DISP1: variants seen among roughly 807,000 people sequenced by gnomAD.
DISP1 encodes the protein protein dispatched homolog 1.
Under a neutral mutation model 37.3 loss-of-function variants are expected in DISP1, and 30 were observed. That is an observed-to-expected ratio of 0.80 (90% CI 0.60 to 1.09). The LOEUF is 1.09. Among genes scored for constraint, DISP1 ranks in the 50% least tolerant of loss-of-function variants. The pLI, the probability that DISP1 is intolerant of heterozygous loss-of-function variation, is 0.00. For missense variants in DISP1, 1,598 were observed against 1,879.5 expected, an observed-to-expected ratio of 0.85 and a Z score of 2.77; for synonymous variants, 634 against 690.2, an observed-to-expected ratio of 0.92 and a Z score of 1.28.
At position 222,871,956 on chromosome 1, in the gene DISP1, C is replaced by T. The variant is rs1301574108; in HGVS notation, c.-158-56474C>T. 5.3e-5 allele frequency among the ~76,000 whole-genome samples: 8 copies of T among 151,990 alleles called. No individual in the cohort carries two copies. In the South Asian group the frequency reaches 6.2e-4, roughly 12 times the overall value. ...AGATAGCTCTTATTATTTTGAGATACGTCCCATCAATACCTAATTTATTGA... is the reference window on the plus strand; with the variant it reads ...AGATAGCTCTTATTATTTTGAGATATGTCCCATCAATACCTAATTTATTGA... On this transcript the variant is annotated intron_variant, in intron 1 of 8. Transcript: ENST00000675850.
At position 222,882,385 on chromosome 1, in the gene DISP1, A is replaced by G. The variant is rs73128634; in HGVS notation, c.-158-46045A>G. Reference sequence around the variant, plus strand: ...GGTTATTCCAGTCATCTGCACTACAAAGGAGTGGTTTCTCATTCTATTTTA... The same window carrying G: ...GGTTATTCCAGTCATCTGCACTACAGAGGAGTGGTTTCTCATTCTATTTTA... On this transcript the variant is annotated intron_variant, in intron 1 of 8. Transcript: ENST00000675850. Among the ~76,000 whole-genome samples the G allele has an allele frequency of 2.1e-3, 317 of 152,292 alleles. 1 individual carries two copies. Among genetic ancestry groups the G allele is most frequent in the African/African-American group, 7.0e-3 (293 of 41,574 alleles).
intron 1 of DISP1, among the ~76,000 whole-genome samples, chr1:222,852,450 A>G (rs1668319396): frequency 1.3e-5 from 2 of 151,890 alleles, no homozygotes. Flanking sequence ...CAAGTGATCC[A>G]CTCACCTTGG....
At chr1:222,830,993 A>T (rs1174802999) in intron 1 of DISP1, 1 of 152,148 alleles carries the variant, frequency 6.6e-6, no homozygotes, top group African/African-American at 2.4e-5. Flanking sequence ...ACCTGCCTAA[A>T]TTGTTATGGT....
chr1:222,832,926 T>C (rs1666119214), intron 1 of DISP1, among the ~76,000 whole-genome samples: 1 of 152,010 alleles, frequency 6.6e-6, no homozygotes, highest in Non-Finnish European at 1.5e-5. Flanking sequence ...TAAATGTAAG[T>C]TAAATTAGAT....
intron 1 of DISP1, among the ~76,000 whole-genome samples, chr1:222,882,550 T>C (rs1194294652): frequency 6.6e-6 from 1 of 152,218 alleles, no homozygotes; most frequent in African/African-American, 2.4e-5. Context: ...AATTTGCAGG[T>C]TAATTTAAAG....
intron 3 of DISP1, among the ~76,000 whole-genome samples, chr1:222,964,276 C>T (rs953780186): frequency 1.5e-5 from 2 of 132,324 alleles, no homozygotes; most frequent in Admixed American, 8.4e-5. Context: ...TCCAGCCTGG[C>T]GACAGAGCGA....
chr1:222,833,239 GT>G (rs1375094536), intron 1 of DISP1, among the ~76,000 whole-genome samples: 2 of 151,204 alleles, frequency 1.3e-5, no homozygotes, highest in African/African-American at 2.5e-5. Context: ...TTTTAACAAA[GT>G]GATAAGAGTT....
intron 1 of DISP1, among the ~76,000 whole-genome samples, chr1:222,904,463 TAA>T (rs1671784905): frequency 6.6e-6 from 1 of 152,102 alleles, no homozygotes; most frequent in African/African-American, 2.4e-5. Flanking sequence ...AAAAAGAGAC[TAA>T]AGTTTATTTC....
chr1:222,876,607 T>C (rs1236810246), intron 1 of DISP1, among the ~76,000 whole-genome samples: 1 of 152,222 alleles, frequency 6.6e-6, no homozygotes, highest in Admixed American at 6.5e-5. Context: ...TAGAGCTGTG[T>C]ATGAATATAA....
At chr1:222,822,352 C>T (rs1359691723) in intron 1 of DISP1, among the ~76,000 whole-genome samples, 1 of 152,136 alleles carries the variant, frequency 6.6e-6, no homozygotes, top group Non-Finnish European at 1.5e-5. Flanking sequence ...AGGGTTCTTT[C>T]TGGAACCCTT....
intron 2 of DISP1, among the ~76,000 whole-genome samples, chr1:222,941,641 A>G (rs73128696): frequency 0.017 from 2,575 of 152,246 alleles, 67 homozygotes; most frequent in African/African-American, 0.056. Flanking sequence ...AGCAGTTTAC[A>G]TACTGGGTGA....
intron 1 of DISP1, among the ~76,000 whole-genome samples, chr1:222,818,586 G>C (rs1227138054): frequency 6.6e-6 from 1 of 152,236 alleles, no homozygotes; most frequent in East Asian, 1.9e-4. Context: ...GAGTTGGCAA[G>C]TACAAAATTT....
intron 3 of DISP1, among the ~76,000 whole-genome samples, chr1:222,978,609 G>A (rs1677588984): frequency 6.6e-6 from 1 of 152,282 alleles, no homozygotes; most frequent in South Asian, 2.1e-4. Context: ...CCTGTGTCCT[G>A]AATGGTATTG....
intron 1 of DISP1, among the ~76,000 whole-genome samples, chr1:222,888,329 T>G (rs1168300261): frequency 6.6e-6 from 1 of 152,278 alleles, no homozygotes; most frequent in Non-Finnish European, 1.5e-5. Flanking sequence ...TGCATGTGAA[T>G]GAGACAGAGC....
rs375229060 is a variant in DISP1, at chr1:222,829,584, C to T, written c.-159+14506C>T. On this transcript the variant is annotated intron_variant, in intron 1 of 8. Coordinates refer to ENST00000675850, the MANE Select transcript of DISP1 (RefSeq NM_001377229.1). Reference sequence around the variant, plus strand: ...CCTCTTGAGTAGCTGGGATTACAGGCGTGCACCACCATGCCTGGCTAATTT... The same window carrying T: ...CCTCTTGAGTAGCTGGGATTACAGGTGTGCACCACCATGCCTGGCTAATTT... Among the ~76,000 whole-genome samples, 10 of 151,990 alleles carry T rather than the reference C, an allele frequency of 6.6e-5. No homozygotes were observed. In the South Asian group the frequency reaches 1.7e-3, roughly 25 times the overall value.
intron 5 of DISP1, among the ~76,000 whole-genome samples, 192 bp downstream of exon 5, chr1:222,990,940 C>T (rs1678656745): frequency 6.6e-6 from 1 of 152,150 alleles, no homozygotes; most frequent in East Asian, 1.9e-4. Flanking sequence ...AACTTGTTTA[C>T]CCTCAAAAAT....
At chr1:222,851,386 A>G (rs1003108945) in intron 1 of DISP1, among the ~76,000 whole-genome samples, 1 of 152,018 alleles carries the variant, frequency 6.6e-6, no homozygotes, top group Non-Finnish European at 1.5e-5. Flanking sequence ...TTTTTAAACG[A>G]GAGGTTCCAT....
intron 1 of DISP1, among the ~76,000 whole-genome samples, chr1:222,887,491 T>TAATA (rs1461960601): frequency 1.3e-3 from 146 of 108,484 alleles, no homozygotes; most frequent in Middle Eastern, 4.3e-3. Flanking sequence ...TTTTTGTTTT[T>TAATA]TTTTTTTTTT....
At chr1:222,881,917 T>C (rs1428142332) in intron 1 of DISP1, among the ~76,000 whole-genome samples, 1 of 152,228 alleles carries the variant, frequency 6.6e-6, no homozygotes, top group African/African-American at 2.4e-5. Context: ...TGTGTTTGTG[T>C]ATTTGACATG....
Sources: allele counts gnomAD v4.1 joint callset (sites outside exome capture counted in the v4.1 genomes callset), GRCh38; gene constraint gnomAD v4.1.1; transcripts MANE v1.5; gene names NCBI Gene and HGNC (gene_info 2026-07-23, HGNC 2026-07-21).